PDE10A: variants seen among roughly 807,000 people sequenced by gnomAD.
The protein encoded by PDE10A is cAMP and cAMP-inhibited cGMP 3',5'-cyclic phosphodiesterase 10A.
In PDE10A, 39 loss-of-function variants were observed where a neutral mutation model predicts 97.7. That is an observed-to-expected ratio of 0.40 (90% CI 0.31 to 0.52). The LOEUF (loss-of-function observed/expected upper bound fraction) is 0.52, where lower values mean the gene tolerates loss of function less well. Among genes scored for constraint, PDE10A ranks in the 20% least tolerant of loss-of-function variants. PDE10A has a pLI of 0.56. For missense variants in PDE10A, 731 were observed against 1,047.8 expected (o/e 0.70, Z 4.17); for synonymous variants, 371 against 376.8 (o/e 0.98, Z 0.18).
At chr6:165,628,776 G>A (rs1408559716) in intron 1 of PDE10A, among the ~76,000 whole-genome samples, 1 of 152,154 alleles carries the variant, frequency 6.6e-6, no homozygotes, top group African/African-American at 2.4e-5. Context: ...GTAGTGCTTT[G>A]AGTGAAATTC....
intron 1 of PDE10A, among the ~76,000 whole-genome samples, chr6:165,672,787 G>C (rs1790684349): frequency 6.6e-6 from 1 of 152,152 alleles, no homozygotes; most frequent in Admixed American, 6.5e-5. Context: ...CCAGTCTCAG[G>C]TATATCTTTA....
At chr6:165,376,364 G>A (rs116983698) in intron 18 of PDE10A, among the ~76,000 whole-genome samples, 1 of 152,230 alleles carries the variant, frequency 6.6e-6, no homozygotes, top group Non-Finnish European at 1.5e-5. Context: ...AATGAGCCAA[G>A]AAAGTTTCTT....
intron 1 of PDE10A, among the ~76,000 whole-genome samples, chr6:165,776,089 T>C (rs903053943): frequency 5.3e-5 from 8 of 152,234 alleles, no homozygotes; most frequent in Admixed American, 3.3e-4. Flanking sequence ...TTTTCAAACA[T>C]CCCATTTGAT....
chr6:165,536,145 A>G (rs1011760419), intron 2 of PDE10A, among the ~76,000 whole-genome samples: 8 of 152,116 alleles, frequency 5.3e-5, no homozygotes, highest in African/African-American at 1.9e-4. Flanking sequence ...CAGAACACAG[A>G]TGGCAGAAAT....
At chr6:165,829,671 G>T (rs1779856064) in intron 1 of PDE10A, among the ~76,000 whole-genome samples, 1 of 152,186 alleles carries the variant, frequency 6.6e-6, no homozygotes, top group Non-Finnish European at 1.5e-5. Context: ...TAAACTGCCG[G>T]TCCCATCTAA....
intron 5 of PDE10A, among the ~76,000 whole-genome samples, chr6:165,437,511 A>G: frequency 6.6e-6 from 1 of 152,212 alleles, no homozygotes; most frequent in Admixed American, 6.5e-5. Context: ...AAGTCTTTCA[A>G]CTACTTGCTA....
intron 1 of PDE10A, among the ~76,000 whole-genome samples, chr6:165,635,645 A>G (rs1464782732): frequency 6.6e-6 from 1 of 152,244 alleles, no homozygotes; most frequent in Non-Finnish European, 1.5e-5. Flanking sequence ...ATTCTATAAA[A>G]TTTATTCAGA....
chr6:165,590,452 A>G (rs542840834), intron 1 of PDE10A, among the ~76,000 whole-genome samples: 3 of 152,352 alleles, frequency 2.0e-5, no homozygotes, highest in Admixed American at 1.3e-4. Context: ...AATGCAAATC[A>G]CAGCAAACAT....
At chr6:165,954,132 G>C (rs1784057408) in intron 1 of PDE10A, among the ~76,000 whole-genome samples, 1 of 152,178 alleles carries the variant, frequency 6.6e-6, no homozygotes, top group South Asian at 2.1e-4. Flanking sequence ...AACGACCACA[G>C]TTTGTTTATC....
At chr6:165,969,084 A>T (rs535620434) in intron 1 of PDE10A, among the ~76,000 whole-genome samples, 51 of 152,272 alleles carry the variant, frequency 3.3e-4, no homozygotes, top group Middle Eastern at 6.3e-3. Context: ...GAAGCATTTG[A>T]CAATGCCATC....
chr6:165,959,115 AC>A (rs1486685234), intron 1 of PDE10A, among the ~76,000 whole-genome samples: 1 of 152,164 alleles, frequency 6.6e-6, no homozygotes, highest in Non-Finnish European at 1.5e-5. Context: ...GAAGCTCAAC[AC>A]TTCTGCCCCA....
At chr6:165,698,015 G>A (rs1791481589) in intron 1 of PDE10A, among the ~76,000 whole-genome samples, 1 of 152,156 alleles carries the variant, frequency 6.6e-6, no homozygotes, top group Admixed American at 6.5e-5. Flanking sequence ...ACCTCAGAAT[G>A]TTATTTTATT....
At chr6:165,369,496 G>C (rs1253754098) in intron 18 of PDE10A, among the ~76,000 whole-genome samples, 2 of 128,526 alleles carry the variant, frequency 1.6e-5, no homozygotes, top group East Asian at 4.4e-4. Flanking sequence ...AAGATGAAAT[G>C]AATGAAATGA....
At chr6:165,708,768 AC>A (rs1401948040) in intron 1 of PDE10A, among the ~76,000 whole-genome samples, 3 of 9,586 alleles carry the variant, frequency 3.1e-4, no homozygotes, top group Non-Finnish European at 1.9e-4. Context: ...TGCCACGCTC[AC>A]CCCCCACTCT....
chr6:165,638,838 A>G (rs12661515), intron 1 of PDE10A, among the ~76,000 whole-genome samples: 5,565 of 152,318 alleles, frequency 0.037, 137 homozygotes, highest in East Asian at 0.13. Flanking sequence ...AGGGAAAACT[A>G]GAGTCTTTAA....
chr6:165,522,993 GC>G (rs1267116516), intron 2 of PDE10A, among the ~76,000 whole-genome samples: 2 of 151,198 alleles, frequency 1.3e-5, no homozygotes, highest in Non-Finnish European at 2.9e-5. Context: ...CAAACCAAGC[GC>G]CAAATCAAGA....
chr6:165,360,542 T>G (rs992066662), intron 18 of PDE10A, among the ~76,000 whole-genome samples: 1 of 152,106 alleles, frequency 6.6e-6, no homozygotes, highest in African/African-American at 2.4e-5. Context: ...GTGGATGTTG[T>G]AGGAGGAGGC....
chr6:165,618,418 G>A (rs186461897), intron 1 of PDE10A, among the ~76,000 whole-genome samples: 33 of 152,236 alleles, frequency 2.2e-4, no homozygotes, highest in Admixed American at 2.2e-3. Flanking sequence ...AGAGGCATTT[G>A]GGAATTTCCA....
At chr6:165,757,906 A>G (rs1386365432) in intron 1 of PDE10A, among the ~76,000 whole-genome samples, 1 of 152,204 alleles carries the variant, frequency 6.6e-6, no homozygotes, top group Non-Finnish European at 1.5e-5. Flanking sequence ...TGAAAATATG[A>G]TATTGTGTTT....
Sources: allele counts gnomAD v4.1 joint callset (sites outside exome capture counted in the v4.1 genomes callset), GRCh38; gene constraint gnomAD v4.1.1; transcripts MANE v1.5; gene names NCBI Gene and HGNC (gene_info 2026-07-23, HGNC 2026-07-21).